RACK1: variants seen among roughly 807,000 people sequenced by gnomAD.
RACK1 encodes small ribosomal subunit protein RACK1.
RACK1 carries 3 observed loss-of-function variants against 42.2 expected under a neutral mutation model. The ratio of observed to expected loss-of-function variants is 0.07; its 90% CI spans 0.03 to 0.18. The LOEUF (loss-of-function observed/expected upper bound fraction) is 0.18, where lower values mean the gene tolerates loss of function less well. Ranked by LOEUF, RACK1 falls within the 10% of genes least tolerant of loss-of-function variation. RACK1 has a pLI of 1.00. For missense variants in RACK1, 146 were observed against 403.2 expected (o/e 0.36, Z 5.46); for synonymous variants, 181 against 154.8 (o/e 1.17, Z -1.25).
At chr5:181,238,705 G>A in intron 5 of RACK1, 1 of 365,882 alleles carries the variant, frequency 2.7e-6, no homozygotes, top group Middle Eastern at 9.8e-4. Context: ...GGGAGGCTGA[G>A]ATGGGAGAAT....
chr5:181,239,437 C>T (rs1759261457), intron 4 of RACK1, 50 bp downstream of exon 4: 1 of 1,345,206 alleles, frequency 7.4e-7, no homozygotes, highest in Non-Finnish European at 1.1e-6. Flanking sequence ...GTATGACCAC[C>T]TGGGAGCACA....
At chr5:181,241,455 G>C (rs370014842) in intron 3 of RACK1, 37 bp downstream of exon 3, 6 of 1,365,220 alleles carry the variant, frequency 4.4e-6, no homozygotes, top group Non-Finnish European at 5.0e-6. Flanking sequence ...CAAAGTTTAA[G>C]AGGGTGGAAG....
chr5:181,243,365 G>C, intron 1 of RACK1: 2 of 1,393,586 alleles, frequency 1.4e-6, no homozygotes, highest in Non-Finnish European at 1.9e-6. Context: ...GGCATGTTGG[G>C]GTCATCACCG....
At chr5:181,237,223 A>G in intron 7 of RACK1, 181 bp from the exon 8 acceptor site, 1 of 1,212,150 alleles carries the variant, frequency 8.2e-7, no homozygotes, top group South Asian at 1.3e-5. Flanking sequence ...AGATCCTCCC[A>G]CCTCAGCCTC....
intron 1 of RACK1, 94 bp downstream of exon 1, chr5:181,243,598 C>A: frequency 6.8e-7 from 1 of 1,481,394 alleles, no homozygotes; most frequent in Non-Finnish European, 9.1e-7. Context: ...TCGCGCGCCA[C>A]CGGCCTGCCA....
chr5:181,243,792 C>T lies in RACK1; in HGVS notation c.9G>A (p.Glu3=), dbSNP rs537314343. 348 of 1,605,210 alleles carry T rather than the reference C, an allele frequency of 2.2e-4. 3 individuals carry two copies. The South Asian group carries it at 3.7e-3, about 17-fold the overall frequency. Residue 3 remains glutamate (E), a synonymous_variant, in exon 1 of 8, where the codon GAG becomes GAA. Transcript: ENST00000512805. MT[E]QMTLRGTLKG... ...TGAGGGTGCCACGAAGGGTCATCTG[C>T]TCAGTCATGGCGGCGGCGAGAGCGT...
chr5:181,238,382 ATT>A, intron 5 of RACK1, 143 bp from the exon 6 acceptor site: 1 of 795,190 alleles, frequency 1.3e-6, no homozygotes, highest in South Asian at 1.7e-5. Flanking sequence ...AAGTACCAAT[ATT>A]TATCTCTGTA....
At position 181,243,871 on chromosome 5, in the gene RACK1, C is replaced by G. The variant is rs1759451870; in HGVS notation, c.-71G>C. On this transcript the variant is annotated 5_prime_UTR_variant, in exon 1 of 8. Transcript: ENST00000512805. ...GGATGGCTTAGAGAAACTAGCACCACAACCTCTCCTGCCGCCGCCTTGCAG... is the reference window on the plus strand; with the variant it reads ...GGATGGCTTAGAGAAACTAGCACCAGAACCTCTCCTGCCGCCGCCTTGCAG... The G allele has an allele frequency of 2.0e-6, 3 of 1,507,816 alleles. No individual in the cohort carries two copies. Among genetic ancestry groups the G allele is most frequent in the Non-Finnish European group, 2.7e-6 (3 of 1,124,350 alleles). 93.4% of individuals were successfully genotyped at this position (1,507,816 alleles called of 1,614,324 possible).
intron 3 of RACK1, 134 bp from the exon 4 acceptor site, chr5:181,239,716 A>C: frequency 3.4e-6 from 2 of 596,712 alleles, no homozygotes; most frequent in Non-Finnish European, 6.0e-6. Context: ...TTTAAGCTCA[A>C]TAGAATCCCT....
chr5:181,239,480 C>T lies in RACK1; in HGVS notation c.525+7G>A, dbSNP rs749437109. 19 of 1,606,204 alleles carry T rather than the reference C, an allele frequency of 1.2e-5. No homozygotes were observed. Among genetic ancestry groups the T allele is most frequent in the Admixed American group, 6.7e-5 (4 of 59,992 alleles). On this transcript the variant is annotated splice_region_variant and intron_variant, in intron 4 of 7. Coordinates refer to ENST00000512805, the MANE Select transcript of RACK1 (RefSeq NM_006098.5). ...TGGTAAAGCCCCTGCCTTGGCTTGA[C>T]GCTCACCTTGACCAGCTTGTCCCAG... is the stretch of plus-strand genomic sequence containing the variant.
intron 1 of RACK1, chr5:181,242,580 T>C (rs1759386313): frequency 1.7e-6 from 1 of 578,752 alleles, no homozygotes; most frequent in Non-Finnish European, 3.3e-6. Context: ...TTTCTTGAGA[T>C]GGAGTCTCGC....
intron 5 of RACK1, 72 bp downstream of exon 5, chr5:181,238,993 TTA>T: frequency 2.1e-6 from 2 of 938,768 alleles, no homozygotes; most frequent in South Asian, 2.6e-5. Flanking sequence ...CCATTTTACG[TTA>T]GAGACGCTGG....
At chr5:181,241,691 C>T (rs375545127) in intron 2 of RACK1, 52 bp from the exon 3 acceptor site, 23 of 1,579,874 alleles carry the variant, frequency 1.5e-5, no homozygotes, top group South Asian at 5.5e-5. Flanking sequence ...TCTCATTCAA[C>T]GGTCAGACTC....
At chr5:181,238,595 AG>A (rs1759222669) in intron 5 of RACK1, 1 of 342,182 alleles carries the variant, frequency 2.9e-6, no homozygotes, top group Non-Finnish European at 5.6e-6. Flanking sequence ...ACCTGAGGTC[AG>A]GAGTTCAAGA....
chr5:181,239,653 C>T (rs770724298), intron 3 of RACK1, 71 bp from the exon 4 acceptor site: 1 of 935,966 alleles, frequency 1.1e-6, no homozygotes, highest in Non-Finnish European at 1.7e-6. Context: ...CCAGCCCTAC[C>T]CCTCAGTAGG....
In RACK1 at chr5:181,236,921, C is replaced by A. The variant is rs906647106; in HGVS notation, c.*56G>T. ...CTTTTTTGCATATAAGAAAAAAAAACCTAAAAGTCAGAAAAGCCAGTTTTT... is the reference window on the plus strand; with the variant it reads ...CTTTTTTGCATATAAGAAAAAAAAAACTAAAAGTCAGAAAAGCCAGTTTTT... On this transcript the variant is annotated 3_prime_UTR_variant, in exon 8 of 8. Coordinates refer to ENST00000512805, the MANE Select transcript of RACK1 (RefSeq NM_006098.5). 1.6e-5 allele frequency: 25 copies of A among 1,549,160 alleles called. No individual in the cohort carries two copies. The highest frequency in any genetic ancestry group is 2.1e-5 in the Non-Finnish European group (24 of 1,154,910).
chr5:181,241,301 G>A (rs568606838), intron 3 of RACK1, 191 bp downstream of exon 3: 6 of 556,648 alleles, frequency 1.1e-5, no homozygotes, highest in Admixed American at 3.1e-5. Flanking sequence ...TGGTGGCTGC[G>A]CACCTGTAGT....
At chr5:181,238,436 A>C in intron 5 of RACK1, 197 bp from the exon 6 acceptor site, 1 of 553,054 alleles carries the variant, frequency 1.8e-6, no homozygotes, top group South Asian at 2.3e-5. Context: ...CCCATCAAAA[A>C]ACCCCTCCCA....
intron 3 of RACK1, chr5:181,241,235 C>T (rs2546402): frequency 0.1 from 36,441 of 362,660 alleles, 3,815 homozygotes; most frequent in African/African-American, 0.33. Flanking sequence ...TTGAGACCAC[C>T]CTGGGCAACA....
Sources: allele counts gnomAD v4.1 joint callset, GRCh38; gene constraint gnomAD v4.1.1; transcripts MANE v1.5; gene names NCBI Gene and HGNC (gene_info 2026-07-23, HGNC 2026-07-21).